The following HHAT variants were observed in gnomAD, a reference collection of about 807,000 sequenced individuals.
The protein encoded by HHAT is protein-cysteine N-palmitoyltransferase HHAT.
In HHAT, 47 loss-of-function variants were observed where a neutral mutation model predicts 70.8. That is an observed-to-expected ratio of 0.66 (90% CI 0.53 to 0.85). HHAT has a LOEUF of 0.85. HHAT is among the 40% of genes least tolerant of loss of function. HHAT has a pLI of 0.00. For missense variants in HHAT, 609 were observed against 604.8 expected (o/e 1.01, Z -0.07); for synonymous variants, 228 against 247.6 (o/e 0.92, Z 0.74).
Position 210,461,592 on chromosome 1 carries a change from G to A in HHAT, c.857-2913G>A, listed in dbSNP as rs541408028. The stretch of plus-strand genomic sequence containing the variant: ...GCTGGGACTACAGGCGTGAGCCACC[G>A]TGCCTGGCTGAGCCATGCATTTTTC... On this transcript the variant is annotated intron_variant, in intron 7 of 11. Transcript: ENST00000261458. Among the ~76,000 whole-genome samples, 4 of 151,912 alleles carry A rather than the reference G, an allele frequency of 2.6e-5. No individual in the cohort carries two copies. In the South Asian group the frequency reaches 8.3e-4, roughly 32 times the overall value.
At chr1:210,365,334 T>TTTTG in intron 3 of HHAT, among the ~76,000 whole-genome samples, 1 of 147,398 alleles carries the variant, frequency 6.8e-6, no homozygotes. Flanking sequence ...TTTTTTTTTT[T>TTTTG]GAGACGGAGT....
intron 6 of HHAT, among the ~76,000 whole-genome samples, chr1:210,416,549 A>G (rs964517076): frequency 6.6e-6 from 1 of 152,110 alleles, no homozygotes; most frequent in Admixed American, 6.5e-5. Flanking sequence ...TGAATTCTAG[A>G]ATCTATGTGT....
chr1:210,522,532 A>G (rs546514903), intron 9 of HHAT, among the ~76,000 whole-genome samples: 1 of 152,268 alleles, frequency 6.6e-6, no homozygotes, highest in South Asian at 2.1e-4. Flanking sequence ...CCCCCCTTCC[A>G]TCGTTGCTCC....
In HHAT at chr1:210,649,430, A is replaced by G. The variant is rs369852920; in HGVS notation, c.1391-24858A>G. On this transcript the variant is annotated intron_variant, in intron 11 of 11. Coordinates refer to ENST00000261458, the MANE Select transcript of HHAT (RefSeq NM_018194.6). ...GGCCTGAGTGGGTCAGACCAAGGTA[A>G]CCCTGGCACAGTGCTGGTCACACAG... 2.7e-3 allele frequency among the ~76,000 whole-genome samples: 416 copies of G among 152,346 alleles called. 4 individuals carry two copies. Among genetic ancestry groups the G allele is most frequent in the African/African-American group, 9.7e-3 (405 of 41,566 alleles).
At chr1:210,399,486 TC>T (rs1179646378) in intron 4 of HHAT, among the ~76,000 whole-genome samples, 1 of 152,130 alleles carries the variant, frequency 6.6e-6, no homozygotes, top group Non-Finnish European at 1.5e-5. Flanking sequence ...ACTCCTGACC[TC>T]AGGTGATGCA....
chr1:210,374,096 A>T (rs557115410), intron 3 of HHAT: 14 of 151,954 alleles, frequency 9.2e-5, no homozygotes, highest in Non-Finnish European at 1.6e-4. Context: ...TGAATCACTT[A>T]AGCCTAAAGT....
intron 10 of HHAT, among the ~76,000 whole-genome samples, chr1:210,598,463 C>A (rs1558244601): frequency 6.6e-6 from 1 of 152,128 alleles, no homozygotes; most frequent in Non-Finnish European, 1.5e-5. Flanking sequence ...GACCTTAGAG[C>A]CCCTTAGCCC....
At chr1:210,480,764 C>T (rs907127242) in intron 8 of HHAT, among the ~76,000 whole-genome samples, 2 of 152,142 alleles carry the variant, frequency 1.3e-5, no homozygotes, top group African/African-American at 2.4e-5. Flanking sequence ...CTCAGCTGAC[C>T]TCTCCCTGAT....
chr1:210,366,011 G>A (rs1011124625), intron 3 of HHAT, among the ~76,000 whole-genome samples: 1 of 151,890 alleles, frequency 6.6e-6, no homozygotes, highest in Non-Finnish European at 1.5e-5. Context: ...GCTCACTGGA[G>A]ACTTGAACTC....
chr1:210,569,399 A>G (rs567688535), intron 9 of HHAT, among the ~76,000 whole-genome samples: 2 of 148,368 alleles, frequency 1.3e-5, no homozygotes, highest in South Asian at 2.2e-4. Context: ...AAAAAAAAAA[A>G]GCGTATAGCA....
At chr1:210,527,315 A>T (rs144827663) in intron 9 of HHAT, among the ~76,000 whole-genome samples, 1 of 152,062 alleles carries the variant, frequency 6.6e-6, no homozygotes, top group South Asian at 2.1e-4. Flanking sequence ...CCCATGGCTG[A>T]TTGCCTGGGT....
intron 6 of HHAT, among the ~76,000 whole-genome samples, chr1:210,412,839 A>G (rs1267978703): frequency 3.3e-5 from 5 of 152,202 alleles, no homozygotes; most frequent in Admixed American, 6.5e-5. Flanking sequence ...TCTGGGCCCC[A>G]TGGCTCTCTA....
intron 6 of HHAT, among the ~76,000 whole-genome samples, chr1:210,415,826 T>G (rs1420777938): frequency 1.3e-5 from 2 of 151,954 alleles, no homozygotes; most frequent in African/African-American, 4.8e-5. Context: ...ATTCAGCTAA[T>G]TTTTGTATTT....
intron 9 of HHAT, among the ~76,000 whole-genome samples, chr1:210,517,532 T>G (rs1572979000): frequency 6.6e-6 from 1 of 152,176 alleles, no homozygotes; most frequent in East Asian, 1.9e-4. Context: ...AACAGTAGAA[T>G]GGTAGCTACC....
rs5780588 is a variant in HHAT, at chr1:210,540,444, TACACACACACACAC to T, written c.1043+27269_1043+27282del. Reference sequence around the variant, plus strand: ...AGTAAATAGGAGATTTTTTCCCTCTTACACACACACACACACACACACACACGCACACACATGCA... The same window carrying T: ...AGTAAATAGGAGATTTTTTCCCTCTTACACACACACACGCACACACATGCA... On this transcript the variant is annotated intron_variant, in intron 9 of 11. Coordinates refer to ENST00000261458, the MANE Select transcript of HHAT (RefSeq NM_018194.6). 1.0e-4 allele frequency among the ~76,000 whole-genome samples: 15 copies of T among 148,378 alleles called. No individual in the cohort carries two copies. In the East Asian group the frequency reaches 1.6e-3, roughly 16 times the overall value.
At chr1:210,623,423 G>A (rs958975425) in intron 10 of HHAT, 103 bp from the exon 11 acceptor site, 1 of 1,315,692 alleles carries the variant, frequency 7.6e-7, no homozygotes, top group Non-Finnish European at 1.1e-6. Context: ...TTTGGGCTCT[G>A]TGGGGAGGCG....
At chr1:210,456,672 A>G (rs943202525) in intron 7 of HHAT, among the ~76,000 whole-genome samples, 18 of 152,196 alleles carry the variant, frequency 1.2e-4, no homozygotes, top group African/African-American at 4.1e-4. Flanking sequence ...TTTGTCCTTC[A>G]GCAGGCCAAT....
chr1:210,630,890 C>A, intron 11 of HHAT: 1 of 373,894 alleles, frequency 2.7e-6, no homozygotes, highest in Non-Finnish European at 5.2e-6. Context: ...GGGGGGCCAG[C>A]TCAGAGGAAG....
chr1:210,646,982 T>C (rs1558347151), intron 11 of HHAT, among the ~76,000 whole-genome samples: 1 of 152,308 alleles, frequency 6.6e-6, no homozygotes, highest in East Asian at 1.9e-4. Flanking sequence ...ATGCAAGTAA[T>C]GGATGATTTC....
Sources: gnomAD v4.1 joint callset for allele counts (sites outside exome capture counted in the v4.1 genomes callset) on GRCh38, gnomAD v4.1.1 for gene constraint, MANE v1.5 for transcripts, NCBI Gene and HGNC (gene_info 2026-07-23, HGNC 2026-07-21) for gene names.